Variants in ZNF334 observed in about 807,000 individuals in gnomAD.
ZNF334 encodes zinc finger protein 334.
ZNF334 carries 14 observed loss-of-function variants against 12.4 expected under a neutral mutation model. The observed-to-expected ratio is 1.13, with a 90% CI of 0.74 to 1.76. The LOEUF (loss-of-function observed/expected upper bound fraction) is 1.76, where lower values mean the gene tolerates loss of function less well. Ranked by LOEUF, ZNF334 falls within the 40% of genes most tolerant of loss-of-function variation. ZNF334 has a pLI of 0.00. For synonymous variants in ZNF334, 273 were observed against 269.6 expected (o/e 1.01, Z -0.12); for missense variants, 797 against 804.5 (o/e 0.99, Z 0.11).
At chr20:46,478,775 T>C in the ZNF334 span, among the ~76,000 whole-genome samples, 2 of 152,216 alleles carry the variant, frequency 1.3e-5, no homozygotes, top group Non-Finnish European at 2.9e-5. Flanking sequence ...CAAGGGAATA[T>C]GTGTCAGGTC....
chr20:46,512,262 A>AAGC (rs2061679709), intron 1 of ZNF334, 122 bp from the exon 2 acceptor site: 2 of 650,042 alleles, frequency 3.1e-6, no homozygotes, highest in Non-Finnish European at 5.3e-6. Flanking sequence ...CTGGTTCAGG[A>AAGC]AGCAACATGT....
chr20:46,482,169 C>A, the ZNF334 span, among the ~76,000 whole-genome samples: 1 of 152,204 alleles, frequency 6.6e-6, no homozygotes, highest in Non-Finnish European at 1.5e-5. Context: ...CCATATTGTA[C>A]TTCTGAACTC....
the ZNF334 span, chr20:46,465,010 G>A: frequency 1.8e-5 from 7 of 388,768 alleles, no homozygotes; most frequent in East Asian, 6.5e-5. Flanking sequence ...CAGTACCGTC[G>A]CTGAAAATAC....
the ZNF334 span, among the ~76,000 whole-genome samples, chr20:46,469,664 G>A: frequency 2.6e-5 from 4 of 152,030 alleles, no homozygotes; most frequent in Non-Finnish European, 4.4e-5. Context: ...GTGCCACTGC[G>A]CCTGGCCCCT....
chr20:46,475,299 A>C, the ZNF334 span, among the ~76,000 whole-genome samples: 27 of 152,334 alleles, frequency 1.8e-4, 1 homozygote, highest in Middle Eastern at 0.01. Context: ...CTCAAATTTT[A>C]TACAAAAACG....
rs776035632 is a variant in ZNF334 at position 46,502,528 on chromosome 20, T to C, written c.811A>G (p.Arg271Gly). 7 of 1,613,366 alleles carry C rather than the reference T, an allele frequency of 4.3e-6. No homozygotes were observed. Among genetic ancestry groups the C allele is most frequent in the Non-Finnish European group, 5.9e-6 (7 of 1,179,594 alleles). Residue 271 changes from arginine (R) to glycine (G), a missense_variant, in exon 5 of 5, where the codon AGG (arginine) becomes GGG (glycine). Arg to Gly is a moderately radical substitution (Grantham distance 125). Coordinates refer to ENST00000692313, the MANE Select transcript of ZNF334 (RefSeq NM_001353824.2). ...GEKPYVCSDC[R>G]KTFRVKTSLT... is the part of the protein sequence containing the mutation. ...CTTGTCTTCACACGAAAAGTTTTCC[T>C]ACAATCACTACAAACATACGGTTTC...
At chr20:46,472,345 C>T in the ZNF334 span, among the ~76,000 whole-genome samples, 1 of 152,086 alleles carries the variant, frequency 6.6e-6, no homozygotes, top group Non-Finnish European at 1.5e-5. Context: ...AGATAATAAA[C>T]CATATCAATA....
intron 2 of ZNF334, chr20:46,505,874 C>G (rs1356071469): frequency 6.5e-6 from 1 of 152,792 alleles, no homozygotes; most frequent in African/African-American, 2.4e-5. Flanking sequence ...GGGAAGAAAA[C>G]TAAGACACTA....
At chr20:46,506,360 G>A (rs568350729) in intron 2 of ZNF334, 29 of 624,858 alleles carry the variant, frequency 4.6e-5, no homozygotes, top group African/African-American at 1.1e-4. Flanking sequence ...GTGTGGTGGC[G>A]CACACCTATA....
At chr20:46,467,221 T>C in the ZNF334 span, among the ~76,000 whole-genome samples, 8 of 152,182 alleles carry the variant, frequency 5.3e-5, no homozygotes, top group Admixed American at 5.2e-4. Flanking sequence ...GTAGGGATAT[T>C]CTAAATGATA....
intron 2 of ZNF334, among the ~76,000 whole-genome samples, chr20:46,510,618 C>T (rs1033519281): frequency 3.3e-5 from 5 of 151,608 alleles, no homozygotes; most frequent in South Asian, 2.1e-4. Context: ...CCCAGCTACT[C>T]GGGAGGCTGA....
At chr20:46,488,145 T>C in the ZNF334 span, among the ~76,000 whole-genome samples, 1 of 152,146 alleles carries the variant, frequency 6.6e-6, no homozygotes, top group African/African-American at 2.4e-5. Flanking sequence ...ATGGTTAGGC[T>C]TGAGCCTAAA....
Position 46,501,057 on chromosome 20 carries a change from T to C in ZNF334, c.*239A>G. The C allele has an allele frequency of 2.2e-6, 1 of 464,720 alleles. No homozygotes were observed. Among genetic ancestry groups the C allele is most frequent in the Non-Finnish European group, 3.7e-6 (1 of 268,374 alleles). The allele number at this position is 464,720 out of a possible 1,614,324, so 28.8% of individuals were successfully genotyped here. ...TTTTAAAAGGGAGGCACATTTGGCA[T>C]AACCTTTGAATTGCTGTTGAATATT... On this transcript the variant is annotated 3_prime_UTR_variant, in exon 5 of 5. Coordinates refer to ENST00000692313, the MANE Select transcript of ZNF334 (RefSeq NM_001353824.2).
At chr20:46,498,531 A>G (rs1380639281), downstream of ZNF334, among the ~76,000 whole-genome samples, 1 of 152,166 alleles carries the variant, frequency 6.6e-6, no homozygotes, top group Non-Finnish European at 1.5e-5. Context: ...CTTGACAGCA[A>G]CCTCAAAGAC....
intron 2 of ZNF334, chr20:46,506,471 A>G: frequency 2.6e-6 from 1 of 385,198 alleles, no homozygotes; most frequent in Non-Finnish European, 4.6e-6. Flanking sequence ...ACAAAAAAAT[A>G]AAAAAAAATT....
intron 2 of ZNF334, among the ~76,000 whole-genome samples, chr20:46,509,368 A>T (rs1225111145): frequency 1.3e-5 from 2 of 152,084 alleles, no homozygotes; most frequent in African/African-American, 4.8e-5. Context: ...CGGGGTAGTG[A>T]GGGTGAGGGA....
Position 46,502,665 on chromosome 20 carries a change from A to G in ZNF334, c.674T>C (p.Ile225Thr). Residue 225 changes from isoleucine to threonine, a missense_variant, in exon 5 of 5, where the codon ATT becomes ACT. Transcript: ENST00000692313. ...TTCAGTCTGTCTCCCCTTTTGTGTAATGAGAATTGCCCTCTTGAAGAAGGT... is the reference window on the plus strand; with the variant it reads ...TTCAGTCTGTCTCCCCTTTTGTGTAGTGAGAATTGCCCTCTTGAAGAAGGT... ...GKTFFKRAIL[I>T]TQKGRQTERK... 1.9e-6 allele frequency: 3 copies of G among 1,612,648 alleles called. No individual in the cohort carries two copies. Among genetic ancestry groups the G allele is most frequent in the Non-Finnish European group, 2.5e-6 (3 of 1,179,994 alleles).
chr20:46,478,223 T>C, the ZNF334 span, among the ~76,000 whole-genome samples: 2 of 152,190 alleles, frequency 1.3e-5, no homozygotes, highest in African/African-American at 4.8e-5. Flanking sequence ...CCCAAACACA[T>C]GTGCCTAAGG....
the ZNF334 span, among the ~76,000 whole-genome samples, chr20:46,470,531 T>C: frequency 6.6e-6 from 1 of 152,198 alleles, no homozygotes; most frequent in African/African-American, 2.4e-5. Context: ...ACTGTAGCCA[T>C]TTTATCAGAG....
Sources: allele counts gnomAD v4.1 joint callset (sites outside exome capture counted in the v4.1 genomes callset), GRCh38; gene constraint gnomAD v4.1.1; transcripts MANE v1.5; gene names NCBI Gene and HGNC (gene_info 2026-07-23, HGNC 2026-07-21).